Variants in TTYH1 observed in about 807,000 individuals in gnomAD.
TTYH1 encodes protein tweety homolog 1.
Under a neutral mutation model 61.2 loss-of-function variants are expected in TTYH1, and 33 were observed. The observed-to-expected ratio is 0.54, with a 90% CI of 0.41 to 0.72. The LOEUF (loss-of-function observed/expected upper bound fraction) is 0.72. Ranked by LOEUF, TTYH1 falls within the 30% of genes least tolerant of loss-of-function variation. The probability of loss-of-function intolerance (pLI) is 0.00; values close to 1 mark genes in which losing one functional copy is unlikely to be tolerated. For missense variants in TTYH1, 538 were observed against 575.8 expected (o/e 0.93, Z 0.67); for synonymous variants, 308 against 266.4 (o/e 1.16, Z -1.52).
At position 54,435,698 on chromosome 19, in the gene TTYH1, G is replaced by GT; in HGVS notation, c.1268+14_1268+15insT. 1 of 1,608,566 alleles carries GT rather than the reference G, an allele frequency of 6.2e-7. No individual in the cohort carries two copies. Among genetic ancestry groups the GT allele is most frequent in the Admixed American group, 1.7e-5 (1 of 59,818 alleles). ...CTTCCCACCCAGGTCAGGAGCGGGG[G>GT]AGGGTAGGGTCCTGGGGAGGGAAGA... is the stretch of plus-strand genomic sequence containing the variant. On this transcript the variant is annotated intron_variant, in intron 11 of 13. Transcript: ENST00000376530.
At chr19:54,433,948 T>G (rs926287526) in intron 10 of TTYH1, among the ~76,000 whole-genome samples, 1 of 152,044 alleles carries the variant, frequency 6.6e-6, no homozygotes, top group Non-Finnish European at 1.5e-5. Context: ...ACAGTGTGCA[T>G]GTACCAATAC....
chr19:54,423,835 T>C lies in TTYH1; in HGVS notation c.638+1425T>C, dbSNP rs1048460791. Among the ~76,000 whole-genome samples, 13 of 152,058 alleles carry C rather than the reference T, an allele frequency of 8.5e-5. No individual in the cohort carries two copies. In the East Asian group the frequency reaches 1.7e-3, roughly 20 times the overall value. On this transcript the variant is annotated intron_variant, in intron 4 of 13. Transcript: ENST00000376530. ...CAAGGGACAAACGCAGAGAAAAACA[T>C]TGTAAGGTGTTGGGCCATGAGAACT...
chr19:54,417,074 C>T, intron 1 of TTYH1: 1 of 439,320 alleles, frequency 2.3e-6, no homozygotes, highest in Non-Finnish European at 3.7e-6. Context: ...CAGACACAGC[C>T]AGGGCCTCAG....
intron 10 of TTYH1, 187 bp downstream of exon 10, chr19:54,431,378 A>G: frequency 1.7e-6 from 1 of 575,226 alleles, no homozygotes; most frequent in Non-Finnish European, 3.1e-6. Flanking sequence ...CTACCTACCT[A>G]TCAAGCATTA....
intron 4 of TTYH1, among the ~76,000 whole-genome samples, chr19:54,424,903 T>C (rs1171365417): frequency 2.6e-5 from 4 of 151,852 alleles, no homozygotes; most frequent in African/African-American, 9.7e-5. Flanking sequence ...CGGCGGGTCC[T>C]TGCTCCCGGA....
At chr19:54,417,996 C>T (rs1004907295) in intron 1 of TTYH1, among the ~76,000 whole-genome samples, 10 of 134,502 alleles carry the variant, frequency 7.4e-5, no homozygotes, top group Non-Finnish European at 4.8e-5. Flanking sequence ...ACAAACACTG[C>T]ACACACTTGG....
rs974983367 is a variant in TTYH1, at chr19:54,416,920, C to A, written c.126+1242C>A. The A allele has an allele frequency of 1.6e-6, 2 of 1,281,286 alleles. No homozygotes were observed. Among genetic ancestry groups the A allele is most frequent in the African/African-American group, 1.5e-5 (1 of 65,214 alleles). The allele number at this position is 1,281,286 out of a possible 1,614,324, so 79.4% of individuals were successfully genotyped here. On this transcript the variant is annotated intron_variant, in intron 1 of 13. Transcript: ENST00000376530. This position sits in a 1 kb window ranked among gnomAD's most constrained non-coding sequence, Gnocchi z 7.0. ...GGGGATCCGCGGCCCCAGTCACCGC[C>A]AGAGGCACGGGTTTGGGGGAGCCTC...
intron 4 of TTYH1, among the ~76,000 whole-genome samples, chr19:54,423,272 A>C (rs1351458869): frequency 6.8e-6 from 1 of 146,334 alleles, no homozygotes; most frequent in Non-Finnish European, 1.5e-5. Flanking sequence ...ATCTCGACTC[A>C]CTGCAACCTC....
chr19:54,426,870 A>C, intron 5 of TTYH1, 102 bp downstream of exon 5: 1 of 1,015,024 alleles, frequency 9.9e-7, no homozygotes, highest in Non-Finnish European at 1.5e-6. Flanking sequence ...GTGGTCCTTC[A>C]CGGCCGGGTA....
chr19:54,417,190 A>G (rs530913030), intron 1 of TTYH1, among the ~76,000 whole-genome samples: 1 of 151,870 alleles, frequency 6.6e-6, no homozygotes, highest in East Asian at 1.9e-4. Flanking sequence ...ACATGCACAC[A>G]CATATGCACA....
intron 4 of TTYH1, 134 bp downstream of exon 4, chr19:54,422,544 G>C: frequency 1.4e-6 from 1 of 712,548 alleles, no homozygotes; most frequent in Non-Finnish European, 2.3e-6. Context: ...GCATCCAATG[G>C]GTAGAGCCCA....
chr19:54,434,373 T>G lies in TTYH1; in HGVS notation c.1126-1169T>G, dbSNP rs1046866121. Reference sequence around the variant, plus strand: ...TTCCTCGCCCTGACCTACAAGGGCCTGGGTGGTCAGTCCTGGATCTGTCTG... The same window carrying G: ...TTCCTCGCCCTGACCTACAAGGGCCGGGGTGGTCAGTCCTGGATCTGTCTG... On this transcript the variant is annotated intron_variant, in intron 10 of 13. Transcript: ENST00000376530. The surrounding 1 kb of genome is among the most constrained non-coding windows in gnomAD (Gnocchi z 4.3). The G allele has an allele frequency of 2.0e-5, 3 of 152,524 alleles. No homozygotes were observed. Among genetic ancestry groups the G allele is most frequent in the Non-Finnish European group, 4.4e-5 (3 of 68,252 alleles). 9.4% of individuals were successfully genotyped at this position (152,524 alleles called of 1,614,324 possible).
intron 5 of TTYH1, 91 bp downstream of exon 5, chr19:54,426,859 C>A: frequency 8.4e-7 from 1 of 1,194,390 alleles, no homozygotes. Flanking sequence ...CACGGAGGAC[C>A]GTGGTCCTTC....
At position 54,436,216 on chromosome 19, in the gene TTYH1, C is replaced by T. The variant is rs1569271286; in HGVS notation, c.*42+45C>T. 2.5e-6 allele frequency: 4 copies of T among 1,605,954 alleles called. No homozygotes were observed. Among genetic ancestry groups the T allele is most frequent in the East Asian group, 2.2e-5 (1 of 44,834 alleles). On this transcript the variant is annotated intron_variant, in intron 13 of 13. Transcript: ENST00000376530. The surrounding 1 kb of genome is among the most constrained non-coding windows in gnomAD (Gnocchi z 4.3). Reference sequence around the variant, plus strand: ...CCCAGCTCCTGCAGCCGGGCCTCTGCCCCCCTCCCGCCCTCCGAGCTGCTC... The same window carrying T: ...CCCAGCTCCTGCAGCCGGGCCTCTGTCCCCCTCCCGCCCTCCGAGCTGCTC...
chr19:54,430,959 G>C (rs1469674850), intron 9 of TTYH1, 54 bp downstream of exon 9: 1 of 1,591,946 alleles, frequency 6.3e-7, no homozygotes, highest in Non-Finnish European at 8.6e-7. Flanking sequence ...AGGCGGACGG[G>C]GCGGGATGGA....
rs2083326046 is a variant in TTYH1 at position 54,426,712 on chromosome 19, G to A, written c.678G>A (p.Leu226=). The part of the protein sequence containing the change: ...AYVLLLLLEL[L]VCLFTLLGLA... ...TCCTCCTGCTGCTCCTGGAGCTGCT[G>A]GTCTGCCTCTTCACCCTCCTGGGCC... Residue 226 remains leucine, a synonymous_variant, in exon 5 of 14, where the codon CTG becomes CTA. Transcript: ENST00000376530. 1 of 1,613,934 alleles carries A rather than the reference G, an allele frequency of 6.2e-7. No homozygotes were observed. Among genetic ancestry groups the A allele is most frequent in the South Asian group, 1.1e-5 (1 of 91,074 alleles).
chr19:54,419,229 G>T lies in TTYH1; in HGVS notation c.228G>T (p.Glu76Asp). ...LIRFCCCRPP[E>D]PPGSKIPSPG... ...GCTTCTGCTGCTGCCGGCCCCCCGA[G>T]CCCCCCGGGTCCAAGATCCCCTCGC... The change falls in exon 2 of 14, where the codon GAG becomes GAT. Residue 76 changes from glutamate to aspartate, a missense_variant. Glu to Asp is a conservative substitution (Grantham distance 45). Coordinates refer to ENST00000376530, the MANE Select transcript of TTYH1 (RefSeq NM_020659.4). The surrounding 1 kb of genome is among the most constrained non-coding windows in gnomAD (Gnocchi z 6.1). 1 of 1,609,750 alleles carries T rather than the reference G, an allele frequency of 6.2e-7. No homozygotes were observed.
intron 5 of TTYH1, among the ~76,000 whole-genome samples, chr19:54,428,734 G>A (rs757520064): frequency 4.6e-5 from 7 of 152,122 alleles, no homozygotes; most frequent in Admixed American, 1.3e-4. Context: ...GAGAGACCCC[G>A]CGTAAGGCTT....
chr19:54,436,273 G>T lies in TTYH1; in HGVS notation c.*43-60G>T. The T allele has an allele frequency of 1.2e-6, 2 of 1,611,944 alleles. No individual in the cohort carries two copies. The highest frequency in any genetic ancestry group is 1.7e-6 in the Non-Finnish European group (2 of 1,178,370). Reference sequence around the variant, plus strand: ...TGGGCTGCGTGCCTCCTGCTGGGTGGATCGCACCGGGCAGGCCCTCCAGCC... The same window carrying T: ...TGGGCTGCGTGCCTCCTGCTGGGTGTATCGCACCGGGCAGGCCCTCCAGCC... On this transcript the variant is annotated intron_variant, in intron 13 of 13. Transcript: ENST00000376530. This position sits in a 1 kb window ranked among gnomAD's most constrained non-coding sequence, Gnocchi z 4.3.
Sources: gnomAD v4.1 joint callset for allele counts (sites outside exome capture counted in the v4.1 genomes callset) on GRCh38, gnomAD v4.1.1 for gene constraint, Gnocchi (gnomAD v3.1) non-coding constraint, MANE v1.5 for transcripts, NCBI Gene and HGNC (gene_info 2026-07-23, HGNC 2026-07-21) for gene names.